The following NAV2 variants were observed in gnomAD, a reference collection of about 807,000 sequenced individuals.
The protein encoded by NAV2 is neuron navigator 2.
Under a neutral mutation model 223.2 loss-of-function variants are expected in NAV2, and 54 were observed. The ratio of observed to expected loss-of-function variants is 0.24; its 90% CI spans 0.19 to 0.30. The LOEUF (loss-of-function observed/expected upper bound fraction) is 0.30. NAV2 is among the 10% of genes least tolerant of loss of function. The pLI is 1.00. For missense variants in NAV2, 2,806 were observed against 3,147.5 expected (o/e 0.89, Z 2.60); for synonymous variants, 1,279 against 1,239.3 (o/e 1.03, Z -0.67).
intron 1 of NAV2, among the ~76,000 whole-genome samples, chr11:19,721,717 G>A (rs554091103): frequency 6.6e-6 from 1 of 152,318 alleles, no homozygotes; most frequent in East Asian, 1.9e-4. Flanking sequence ...GAAAATTGGA[G>A]ATATTTGATT....
chr11:19,572,112 C>T (rs911206142), intron 1 of NAV2, among the ~76,000 whole-genome samples: 1 of 152,228 alleles, frequency 6.6e-6, no homozygotes, highest in Non-Finnish European at 1.5e-5. Context: ...GCTCTTTTGG[C>T]CCAAGCCATG....
intron 4 of NAV2, among the ~76,000 whole-genome samples, chr11:19,876,045 A>C (rs1191374635): frequency 6.6e-6 from 1 of 152,138 alleles, no homozygotes; most frequent in Non-Finnish European, 1.5e-5. Context: ...ATTTATTTAG[A>C]GATGGAGTCT....
At chr11:19,526,661 A>C (rs975973293) in intron 1 of NAV2, among the ~76,000 whole-genome samples, 1 of 152,044 alleles carries the variant, frequency 6.6e-6, no homozygotes, top group African/African-American at 2.4e-5. Context: ...GGTCTTTCCC[A>C]CTTTCTCAGA....
At chr11:19,865,505 ACT>A (rs1326932471) in intron 3 of NAV2, among the ~76,000 whole-genome samples, 1 of 151,828 alleles carries the variant, frequency 6.6e-6, no homozygotes, top group Non-Finnish European at 1.5e-5. Flanking sequence ...TCCCAGCCTC[ACT>A]CTCTTCCTGG....
At chr11:19,563,451 C>T (rs950112900) in intron 1 of NAV2, among the ~76,000 whole-genome samples, 3 of 152,200 alleles carry the variant, frequency 2.0e-5, no homozygotes, top group Non-Finnish European at 2.9e-5. Flanking sequence ...AGACCAGAGT[C>T]GATTTTTGTC....
At chr11:19,942,067 C>T (rs972717287) in intron 8 of NAV2, among the ~76,000 whole-genome samples, 7 of 152,342 alleles carry the variant, frequency 4.6e-5, no homozygotes, top group Admixed American at 3.9e-4. Flanking sequence ...CCCTCCTTGG[C>T]AAGGTCCAGA....
intron 1 of NAV2, among the ~76,000 whole-genome samples, chr11:19,477,987 A>C (rs1174429384): frequency 6.6e-6 from 1 of 152,242 alleles, no homozygotes; most frequent in African/African-American, 2.4e-5. Context: ...ACTTGCTGCT[A>C]TCATGGCAAA....
chr11:20,090,802 G>A, intron 26 of NAV2, 63 bp from the exon 27 acceptor site: 1 of 1,540,034 alleles, frequency 6.5e-7, no homozygotes, highest in East Asian at 2.3e-5. Context: ...GATTGATGTG[G>A]ACCAGTGTTC....
At chr11:19,841,442 G>T (rs545965233) in intron 2 of NAV2, among the ~76,000 whole-genome samples, 1 of 152,156 alleles carries the variant, frequency 6.6e-6, no homozygotes, top group East Asian at 1.9e-4. Context: ...GAAGTTTTAG[G>T]TATCATATTT....
At chr11:19,354,677 C>T (rs1336308808) in intron 1 of NAV2, among the ~76,000 whole-genome samples, 2 of 152,230 alleles carry the variant, frequency 1.3e-5, no homozygotes, top group Non-Finnish European at 2.9e-5. Flanking sequence ...CTACCTCATA[C>T]ACACCTATGC....
intron 1 of NAV2, among the ~76,000 whole-genome samples, chr11:19,360,613 G>C (rs1386167029): frequency 6.6e-6 from 1 of 152,204 alleles, no homozygotes; most frequent in Admixed American, 6.5e-5. Context: ...ACTAGGGTAG[G>C]GACAGCGTCA....
intron 1 of NAV2, among the ~76,000 whole-genome samples, chr11:19,366,096 C>T (rs934243615): frequency 6.6e-6 from 1 of 152,216 alleles, no homozygotes; most frequent in Non-Finnish European, 1.5e-5. Flanking sequence ...ATTTCAGCAG[C>T]CACTAAAAAG....
intron 1 of NAV2, among the ~76,000 whole-genome samples, chr11:19,538,518 TG>T (rs1048893196): frequency 7.1e-6 from 1 of 140,242 alleles, no homozygotes; most frequent in African/African-American, 3.1e-5. Flanking sequence ...CTTTTGTTTT[TG>T]TTTTTTTTTT....
chr11:20,116,996 C>T (rs1203192561), intron 37 of NAV2, among the ~76,000 whole-genome samples: 1 of 152,142 alleles, frequency 6.6e-6, no homozygotes, highest in Admixed American at 6.5e-5. Flanking sequence ...TCTGCCTCTT[C>T]CCTAGTTATG....
At chr11:20,031,844 G>A (rs1262972816) in intron 11 of NAV2, among the ~76,000 whole-genome samples, 1 of 152,064 alleles carries the variant, frequency 6.6e-6, no homozygotes, top group Non-Finnish European at 1.5e-5. Context: ...GATCTTTACT[G>A]GACTTCACAG....
intron 5 of NAV2, among the ~76,000 whole-genome samples, chr11:19,886,737 G>A (rs939349122): frequency 1.3e-5 from 2 of 152,222 alleles, no homozygotes; most frequent in Non-Finnish European, 2.9e-5. Flanking sequence ...ATCAGTCCCA[G>A]ATGATGGAAG....
intron 1 of NAV2, among the ~76,000 whole-genome samples, chr11:19,809,441 A>G (rs548016808): frequency 5.6e-4 from 86 of 152,374 alleles, no homozygotes; most frequent in African/African-American, 2.0e-3. Context: ...TTTAAAAAAT[A>G]AACTTTAAGA....
At chr11:19,782,182 A>G (rs1308491349) in intron 1 of NAV2, among the ~76,000 whole-genome samples, 1 of 152,234 alleles carries the variant, frequency 6.6e-6, no homozygotes. Context: ...TCCTTGAGAA[A>G]GCAGGTTGGA....
chr11:20,075,802 T>C (rs1201630571), intron 22 of NAV2, among the ~76,000 whole-genome samples: 1 of 145,220 alleles, frequency 6.9e-6, no homozygotes, highest in African/African-American at 2.6e-5. Context: ...TTATCCAGCG[T>C]TGATTCCTCA....
Sources: allele counts gnomAD v4.1 joint callset (sites outside exome capture counted in the v4.1 genomes callset), GRCh38; gene constraint gnomAD v4.1.1; transcripts MANE v1.5; gene names NCBI Gene and HGNC (gene_info 2026-07-23, HGNC 2026-07-21).